The following DNAJA4 variants were observed in gnomAD, a reference collection of about 807,000 sequenced individuals.
DNAJA4 encodes dnaJ homolog subfamily A member 4.
In DNAJA4, 32 loss-of-function variants were observed where a neutral mutation model predicts 39.7. The ratio of observed to expected loss-of-function variants is 0.81; its 90% CI spans 0.61 to 1.08. DNAJA4 has a LOEUF of 1.08. Among genes scored for constraint, DNAJA4 ranks in the 50% least tolerant of loss-of-function variants. The pLI is 0.00. For missense variants in DNAJA4, 439 were observed against 505.1 expected (o/e 0.87, Z 1.25); for synonymous variants, 184 against 182.4 (o/e 1.01, Z -0.07).
Position 78,266,990 on chromosome 15 carries a change from G to A in DNAJA4, c.132+2095G>A, listed in dbSNP as rs2049139287. ...TAGATCGGAAATCAAAGAGGATGAG[G>A]AGACTGGGGACACAATTTATAGAAA... On this transcript the variant is annotated intron_variant, in intron 1 of 6. Coordinates refer to ENST00000394852, the MANE Select transcript of DNAJA4 (RefSeq NM_001130182.2). Among the ~76,000 whole-genome samples the A allele has an allele frequency of 3.9e-5, 6 of 152,190 alleles. No individual in the cohort carries two copies. The South Asian group carries it at 8.3e-4, about 21-fold the overall frequency.
At chr15:78,278,306 T>C (rs755432105) in intron 5 of DNAJA4, 18 of 455,638 alleles carry the variant, frequency 4.0e-5, no homozygotes, top group Non-Finnish European at 2.2e-5. Context: ...CGACACCTGA[T>C]AGGAATGGGG....
In DNAJA4 at chr15:78,274,414, T is replaced by C. The variant is rs540608016; in HGVS notation, c.636T>C (p.His212=). ...VIREKKIIEV[H]VEKGMKDGQK... ...GTGAGAAGAAGATTATCGAGGTACA[T>C]GTTGAAAAAGGTGAGGCTGCGCAGA... Residue 212 remains histidine (H), a synonymous_variant, in exon 4 of 7, where the codon CAT becomes CAC. Transcript: ENST00000394852. 1 of 1,613,972 alleles carries C rather than the reference T, an allele frequency of 6.2e-7. No homozygotes were observed. The highest frequency in any genetic ancestry group is 1.3e-5 in the African/African-American group (1 of 74,998).
chr15:78,274,433 G>A lies in DNAJA4; in HGVS notation c.646+9G>A, dbSNP rs1467454397. ...GGTACATGTTGAAAAAGGTGAGGCTGCGCAGAGCTGGTGCTCCACACGGGC... is the reference window on the plus strand; with the variant it reads ...GGTACATGTTGAAAAAGGTGAGGCTACGCAGAGCTGGTGCTCCACACGGGC... On this transcript the variant is annotated intron_variant, in intron 4 of 6. Transcript: ENST00000394852. The A allele has an allele frequency of 1.2e-6, 2 of 1,612,592 alleles. No individual in the cohort carries two copies. Among genetic ancestry groups the A allele is most frequent in the Non-Finnish European group, 1.7e-6 (2 of 1,179,176 alleles).
intron 1 of DNAJA4, 23 bp from the exon 2 acceptor site, chr15:78,270,474 C>G: frequency 1.8e-6 from 2 of 1,095,932 alleles, no homozygotes; most frequent in Admixed American, 2.4e-5. Flanking sequence ...CTCTAAAAAT[C>G]TCTCTCTCTC....
chr15:78,273,468 G>C (rs1254920385), intron 3 of DNAJA4, among the ~76,000 whole-genome samples: 1 of 152,190 alleles, frequency 6.6e-6, no homozygotes, highest in East Asian at 1.9e-4. Context: ...GGGTGCATGT[G>C]CACAACGTGC....
chr15:78,264,580 G>T lies in DNAJA4; in HGVS notation c.-184G>T. 1.7e-6 allele frequency: 2 copies of T among 1,196,852 alleles called. No homozygotes were observed. Among genetic ancestry groups the T allele is most frequent in the Non-Finnish European group, 2.1e-6 (2 of 965,910 alleles). 74.1% of individuals were successfully genotyped at this position (1,196,852 alleles called of 1,614,324 possible). ...TGGCTCTAGTGCGGTGGAGCCAGGC[G>T]TGGAAGTCGGTCCGGCGCGGGGCGG... is the stretch of plus-strand genomic sequence containing the variant. On this transcript the variant is annotated 5_prime_UTR_variant, in exon 1 of 7. Transcript: ENST00000394852.
intron 5 of DNAJA4, among the ~76,000 whole-genome samples, chr15:78,277,639 T>A (rs1310470743): frequency 6.6e-6 from 1 of 152,170 alleles, no homozygotes; most frequent in Non-Finnish European, 1.5e-5. Context: ...GAGCCGGGGC[T>A]GGGAAGCATC....
chr15:78,275,804 T>C, intron 5 of DNAJA4, 76 bp downstream of exon 5: 2 of 1,007,068 alleles, frequency 2.0e-6, no homozygotes, highest in Non-Finnish European at 2.9e-6. Flanking sequence ...GCCTGATTTT[T>C]TTATTGCTAC....
chr15:78,266,088 T>C, intron 1 of DNAJA4: 1 of 663,536 alleles, frequency 1.5e-6, no homozygotes, highest in Non-Finnish European at 2.6e-6. Flanking sequence ...TATATTTAGA[T>C]GGCTTACTGT....
At chr15:78,277,730 T>G in intron 5 of DNAJA4, 1 of 313,610 alleles carries the variant, frequency 3.2e-6, no homozygotes. Flanking sequence ...GAGCCAGCGT[T>G]CCTTGCTGTC....
chr15:78,273,479 A>G (rs1315909288), intron 3 of DNAJA4, among the ~76,000 whole-genome samples: 1 of 152,258 alleles, frequency 6.6e-6, no homozygotes, highest in Non-Finnish European at 1.5e-5. Context: ...CACAACGTGC[A>G]GGTTTGTTAC....
chr15:78,265,755 T>G lies in DNAJA4; in HGVS notation c.132+860T>G, dbSNP rs2049105578. The G allele has an allele frequency of 5.9e-6, 4 of 675,428 alleles. No homozygotes were observed. In the East Asian group the frequency reaches 1.1e-4, roughly 18 times the overall value. The allele number at this position is 675,428 out of a possible 1,614,324, so 41.8% of individuals were successfully genotyped here. On this transcript the variant is annotated intron_variant, in intron 1 of 6. Transcript: ENST00000394852. ...TTCCTCCTTTCACTTCTTGCCATTT[T>G]CTTACAAAACTTTGGTTGTTCCGCA...
chr15:78,270,307 CTG>C, intron 1 of DNAJA4, 188 bp from the exon 2 acceptor site: 1 of 576,902 alleles, frequency 1.7e-6, no homozygotes, highest in East Asian at 2.9e-5. Context: ...TATGTTTGCC[CTG>C]TGTTTCCCAC....
Position 78,264,744 on chromosome 15 carries a change from GC to G in DNAJA4, c.-12del, listed in dbSNP as rs66489434. Reference sequence around the variant, plus strand: ...CGGGGCGCTCTGACCGGCCTCGCCCGCCCCCCCCGCAGACACAAGATGGTGA... The same window carrying G: ...CGGGGCGCTCTGACCGGCCTCGCCCGCCCCCCCGCAGACACAAGATGGTGA... On this transcript the variant is annotated 5_prime_UTR_variant, in exon 1 of 7. Transcript: ENST00000394852. 1 allele frequency: 1,537,158 copies of G among 1,537,602 alleles called. 768,357 individuals are homozygous for G. Among genetic ancestry groups the G allele is most frequent in the Middle Eastern group, 1 (5,743 of 5,744 alleles).
At chr15:78,277,837 C>A (rs2049514864) in intron 5 of DNAJA4, 1 of 350,056 alleles carries the variant, frequency 2.9e-6, no homozygotes, top group Non-Finnish European at 5.6e-6. Context: ...CCAAGAAATC[C>A]ATTTCCTTCT....
At chr15:78,277,876 G>A (rs2049516525) in intron 5 of DNAJA4, 2 of 359,884 alleles carry the variant, frequency 5.6e-6, no homozygotes, top group Admixed American at 3.8e-5. Context: ...GAGCATCCAG[G>A]AAACCTGCCG....
At position 78,280,352 on chromosome 15, in the gene DNAJA4, G is replaced by A; in HGVS notation, c.1086G>A (p.Val362=). The A allele has an allele frequency of 1.2e-6, 2 of 1,614,232 alleles. No homozygotes were observed. Among genetic ancestry groups the A allele is most frequent in the Non-Finnish European group, 1.7e-6 (2 of 1,180,044 alleles). Residue 362 remains valine (V), a synonymous_variant, in exon 7 of 7, where the codon GTG becomes GTA. Transcript: ENST00000394852. ...KVRITDDMDQ[V]ELKEFCPNEQ... Reference sequence around the variant, plus strand: ...GGATTACAGATGACATGGATCAGGTGGAGCTGAAGGAGTTTTGTCCCAATG... The same window carrying A: ...GGATTACAGATGACATGGATCAGGTAGAGCTGAAGGAGTTTTGTCCCAATG...
intron 1 of DNAJA4, among the ~76,000 whole-genome samples, chr15:78,267,606 A>G (rs923489491): frequency 2.0e-5 from 3 of 152,070 alleles, no homozygotes; most frequent in African/African-American, 7.3e-5. Flanking sequence ...CTTTTGGTCA[A>G]TTTCATTGTA....
intron 5 of DNAJA4, among the ~76,000 whole-genome samples, chr15:78,277,608 A>G (rs11638991): frequency 0.31 from 47,338 of 152,110 alleles, 7,618 homozygotes; most frequent in African/African-American, 0.38. Context: ...ACGTGGTCAC[A>G]GCCCAGATCC....
Sources: allele counts gnomAD v4.1 joint callset (sites outside exome capture counted in the v4.1 genomes callset), GRCh38; gene constraint gnomAD v4.1.1; transcripts MANE v1.5; gene names NCBI Gene and HGNC (gene_info 2026-07-23, HGNC 2026-07-21).